The following BMP7 variants were observed in gnomAD, a reference collection of about 807,000 sequenced individuals.
BMP7 encodes osteogenic protein 1.
In BMP7, 12 loss-of-function variants were observed where a neutral mutation model predicts 41.2. The observed-to-expected ratio is 0.29, with a 90% CI of 0.19 to 0.47. The LOEUF is 0.47. BMP7 is among the 20% of genes least tolerant of loss of function. The probability of loss-of-function intolerance (pLI) is 0.99; values close to 1 mark genes in which losing one functional copy is unlikely to be tolerated. For synonymous variants in BMP7, 248 were observed against 250.0 expected, an observed-to-expected ratio of 0.99 and a Z score of 0.07; for missense variants, 467 against 606.0, an observed-to-expected ratio of 0.77 and a Z score of 2.41.
intron 1 of BMP7, among the ~76,000 whole-genome samples, chr20:57,250,986 C>T (rs2066110215): frequency 6.6e-6 from 1 of 152,192 alleles, no homozygotes; most frequent in South Asian, 2.1e-4. Context: ...GGCTTGGGGG[C>T]CACCGTGCCC....
intron 4 of BMP7, among the ~76,000 whole-genome samples, chr20:57,175,382 A>G (rs2865361): frequency 0.97 from 147,498 of 152,278 alleles, 71,600 homozygotes; most frequent in South Asian, 1. Flanking sequence ...CACTGCAGGC[A>G]CCCTGCTCAA....
chr20:57,236,774 A>C (rs2066049404), intron 1 of BMP7, among the ~76,000 whole-genome samples: 1 of 151,988 alleles, frequency 6.6e-6, no homozygotes, highest in Non-Finnish European at 1.5e-5. Flanking sequence ...AAAAAAAAAA[A>C]AAACACCTGA....
rs1983884770 is a variant in BMP7, at chr20:57,174,738, A to T, written c.1035+193T>A. Among the ~76,000 whole-genome samples the T allele has an allele frequency of 6.6e-6, 1 of 152,216 alleles. No individual in the cohort carries two copies. Among genetic ancestry groups the T allele is most frequent in the Non-Finnish European group, 1.5e-5 (1 of 68,028 alleles). On this transcript the variant is annotated intron_variant, in intron 5 of 6. Coordinates refer to ENST00000395863, the MANE Select transcript of BMP7 (RefSeq NM_001719.3). This position sits in a 1 kb window ranked among gnomAD's most constrained non-coding sequence, Gnocchi z 4.3. ...GGTTCCTGGTTCAAGTTCAAGTCTC[A>T]ACCACATTTCTGCTCTCGGATTTCA...
chr20:57,224,539 G>T lies in BMP7; in HGVS notation c.611+3690C>A. On this transcript the variant is annotated intron_variant, in intron 2 of 6. Coordinates refer to ENST00000395863, the MANE Select transcript of BMP7 (RefSeq NM_001719.3). The surrounding 1 kb of genome is among the most constrained non-coding windows in gnomAD (Gnocchi z 4.8). ...GGTCCCAGCTCCACAGCAGAAACAG[G>T]GCAAACAGCACAACCCCTACCCCAA... 6.6e-6 allele frequency: 1 copy of T among 152,664 alleles called. No individual in the cohort carries two copies. The highest frequency in any genetic ancestry group is 1.5e-5 in the Non-Finnish European group (1 of 68,348). The allele number at this position is 152,664 out of a possible 1,614,324, so 9.5% of individuals were successfully genotyped here.
intron 3 of BMP7, among the ~76,000 whole-genome samples, chr20:57,187,914 T>C (rs1306363649): frequency 6.6e-6 from 1 of 152,188 alleles, no homozygotes; most frequent in Admixed American, 6.5e-5. Context: ...GTATGGAATC[T>C]TCCCCTTTGT....
intron 1 of BMP7, among the ~76,000 whole-genome samples, chr20:57,257,149 A>G (rs1187892598): frequency 2.0e-5 from 3 of 152,178 alleles, no homozygotes; most frequent in African/African-American, 7.2e-5. Context: ...CGATAGAGCT[A>G]TAATGTGATA....
At chr20:57,225,323 A>C (rs1600633033) in intron 2 of BMP7, among the ~76,000 whole-genome samples, 1 of 152,056 alleles carries the variant, frequency 6.6e-6, no homozygotes, top group Non-Finnish European at 1.5e-5. Context: ...GGCTCGGTGG[A>C]CCTACATGGG....
chr20:57,239,433 C>A (rs1410437398), intron 1 of BMP7, among the ~76,000 whole-genome samples: 2 of 152,218 alleles, frequency 1.3e-5, no homozygotes, highest in African/African-American at 2.4e-5. Context: ...GCCTCCCTCC[C>A]AGCTGCTTTC....
rs17480735 is a variant in BMP7 at position 57,170,429 on chromosome 20, G to C, written c.*530C>G. On this transcript the variant is annotated 3_prime_UTR_variant, in exon 7 of 7. Transcript: ENST00000395863. ...TCCACTTGACACAGCTTCTGTTTAC[G>C]CATCAGGATAAACCGAGAAATGGGG... 9.9e-6 allele frequency: 2 copies of C among 202,694 alleles called. No individual in the cohort carries two copies. Among genetic ancestry groups the C allele is most frequent in the East Asian group, 1.2e-4 (1 of 8,324 alleles). The allele number at this position is 202,694 out of a possible 1,614,324, so 12.6% of individuals were successfully genotyped here. A position where few individuals can be genotyped will look rare whatever the true frequency, so the allele number is the denominator to read the frequency against.
rs1461725884 is a variant in BMP7 at position 57,261,859 on chromosome 20, C to T, written c.418+3846G>A. ...TTCTAATACTCTACAGTGGTAGGGC[C>T]TGCTCTTGACGGGCAGTGGGAGAGG... On this transcript the variant is annotated intron_variant, in intron 1 of 6. Coordinates refer to ENST00000395863, the MANE Select transcript of BMP7 (RefSeq NM_001719.3). This position sits in a 1 kb window ranked among gnomAD's most constrained non-coding sequence, Gnocchi z 4.1. Among the ~76,000 whole-genome samples the T allele has an allele frequency of 6.6e-6, 1 of 152,232 alleles. No homozygotes were observed. The highest frequency in any genetic ancestry group is 1.5e-5 in the Non-Finnish European group (1 of 68,040).
rs1055413170 is a variant in BMP7, at chr20:57,266,296, C to T, written c.-174G>A. The T allele has an allele frequency of 2.5e-4, 123 of 496,994 alleles. No individual in the cohort carries two copies. Among genetic ancestry groups the T allele is most frequent in the African/African-American group, 2.3e-3 (114 of 48,750 alleles). The allele number at this position is 496,994 out of a possible 1,614,324, so 30.8% of individuals were successfully genotyped here. A position where few individuals can be genotyped will look rare whatever the true frequency, so the allele number is the denominator to read the frequency against. ...CGGCCGCGCTCTGCCCGGACCCCCG[C>T]CCCCTGCTCGGTGCTGGCCCCGGGC... is the stretch of plus-strand genomic sequence containing the variant. On this transcript the variant is annotated 5_prime_UTR_variant, in exon 1 of 7. Transcript: ENST00000395863.
chr20:57,191,155 G>A (rs948351095), intron 3 of BMP7, among the ~76,000 whole-genome samples: 1 of 152,164 alleles, frequency 6.6e-6, no homozygotes, highest in Non-Finnish European at 1.5e-5. Flanking sequence ...AAGAGAGAAT[G>A]TAGTGCTTTA....
Position 57,171,748 on chromosome 20 carries a change from G to A in BMP7, c.1147-640C>T, listed in dbSNP as rs1983821224. Among the ~76,000 whole-genome samples, 1 of 152,204 alleles carries A rather than the reference G, an allele frequency of 6.6e-6. No individual in the cohort carries two copies. Among genetic ancestry groups the A allele is most frequent in the South Asian group, 2.1e-4 (1 of 4,826 alleles). ...TGAAACTTCTGGGTTTCCAGCAACT[G>A]TAGGTGCCAGGCAAGAGCATCAGTG... On this transcript the variant is annotated intron_variant, in intron 6 of 6. Coordinates refer to ENST00000395863, the MANE Select transcript of BMP7 (RefSeq NM_001719.3). This position sits in a 1 kb window ranked among gnomAD's most constrained non-coding sequence, Gnocchi z 4.5.
Position 57,231,030 on chromosome 20 carries a change from C to T in BMP7, c.419-2609G>A, listed in dbSNP as rs2066027546. On this transcript the variant is annotated intron_variant, in intron 1 of 6. Coordinates refer to ENST00000395863, the MANE Select transcript of BMP7 (RefSeq NM_001719.3). ...TGTATACGTGTAGCGTGTGTGTAAACCAAAGTAAACCCAGTCACGGAGATT... is the reference window on the plus strand; with the variant it reads ...TGTATACGTGTAGCGTGTGTGTAAATCAAAGTAAACCCAGTCACGGAGATT... 2.6e-5 allele frequency among the ~76,000 whole-genome samples: 4 copies of T among 152,164 alleles called. No homozygotes were observed. In the South Asian group the frequency reaches 8.3e-4, roughly 32 times the overall value.
chr20:57,177,234 AGAG>A (rs767225226), intron 4 of BMP7, among the ~76,000 whole-genome samples: 1 of 152,210 alleles, frequency 6.6e-6, no homozygotes, highest in Non-Finnish European at 1.5e-5. Context: ...GAGGCAGGAG[AGAG>A]GAGAACAGCA....
At chr20:57,234,333 G>A (rs1282658151) in intron 1 of BMP7, among the ~76,000 whole-genome samples, 1 of 152,188 alleles carries the variant, frequency 6.6e-6, no homozygotes, top group Non-Finnish European at 1.5e-5. Context: ...CCAGTGCTCT[G>A]GGAAGCCCCT....
intron 1 of BMP7, among the ~76,000 whole-genome samples, chr20:57,245,377 A>AC (rs1197180782): frequency 2.0e-5 from 3 of 152,046 alleles, no homozygotes; most frequent in Admixed American, 6.6e-5. Context: ...ATAGGGTCTC[A>AC]CTCTGTCACT....
chr20:57,179,107 A>T (rs1387507885), intron 4 of BMP7, among the ~76,000 whole-genome samples: 5 of 152,216 alleles, frequency 3.3e-5, no homozygotes, highest in African/African-American at 9.6e-5. Context: ...CCCTGCCACC[A>T]GGGACTCCAG....
At chr20:57,216,134 CG>C (rs932323213) in intron 2 of BMP7, among the ~76,000 whole-genome samples, 21 of 152,000 alleles carry the variant, frequency 1.4e-4, no homozygotes, top group African/African-American at 4.3e-4. Flanking sequence ...ATCCTGAAGC[CG>C]GGGGGGTCCA....
Sources: gnomAD v4.1 joint callset for allele counts (sites outside exome capture counted in the v4.1 genomes callset) on GRCh38, gnomAD v4.1.1 for gene constraint, Gnocchi (gnomAD v3.1) non-coding constraint, MANE v1.5 for transcripts, NCBI Gene and HGNC (gene_info 2026-07-23, HGNC 2026-07-21) for gene names.